Variants in NRXN1 observed in about 807,000 individuals in gnomAD.
The protein encoded by NRXN1 is neurexin 1.
Under a neutral mutation model 150.9 loss-of-function variants are expected in NRXN1, and 39 were observed. The observed-to-expected ratio is 0.26, with a 90% CI of 0.20 to 0.34. The LOEUF is 0.34. Among genes scored for constraint, NRXN1 ranks in the 10% least tolerant of loss-of-function variants. The pLI, the probability that NRXN1 is intolerant of heterozygous loss-of-function variation, is 1.00. For synonymous variants in NRXN1, 924 were observed against 757.0 expected, an observed-to-expected ratio of 1.22 and a Z score of -3.62; for missense variants, 1,815 against 1,949.9, an observed-to-expected ratio of 0.93 and a Z score of 1.30.
intron 5 of NRXN1, among the ~76,000 whole-genome samples, chr2:50,833,011 A>G (rs1671630395): frequency 6.6e-6 from 1 of 152,198 alleles, no homozygotes; most frequent in African/African-American, 2.4e-5. Flanking sequence ...GGACAAAATA[A>G]TTAAACAGAC....
At chr2:50,097,598 C>A (rs753515351) in intron 18 of NRXN1, among the ~76,000 whole-genome samples, 1 of 151,918 alleles carries the variant, frequency 6.6e-6, no homozygotes, top group African/African-American at 2.4e-5. Flanking sequence ...GTTATCTCAC[C>A]TAAAAACAAA....
At chr2:50,158,686 G>T (rs1011528681) in intron 18 of NRXN1, among the ~76,000 whole-genome samples, 1 of 152,062 alleles carries the variant, frequency 6.6e-6, no homozygotes, top group Non-Finnish European at 1.5e-5. Flanking sequence ...GCTGTATCTT[G>T]TTGCATGATA....
chr2:50,495,849 T>A, intron 15 of NRXN1, 56 bp downstream of exon 15: 1 of 1,456,174 alleles, frequency 6.9e-7, no homozygotes, highest in Non-Finnish European at 9.2e-7. Context: ...GGATTTTCCA[T>A]GTGAAGGGAG....
intron 9 of NRXN1, among the ~76,000 whole-genome samples, chr2:50,542,230 G>A (rs1391497066): frequency 3.3e-5 from 5 of 152,062 alleles, no homozygotes; most frequent in African/African-American, 7.2e-5. Context: ...GCGGTGAGCC[G>A]AGATCACGCC....
chr2:50,004,047 T>G (rs1684364088), intron 21 of NRXN1, among the ~76,000 whole-genome samples: 1 of 152,058 alleles, frequency 6.6e-6, no homozygotes, highest in Admixed American at 6.6e-5. Context: ...AGGCATGGTG[T>G]AGTTGGTGAA....
chr2:50,441,868 T>C (rs894851300), intron 17 of NRXN1, among the ~76,000 whole-genome samples: 1 of 152,220 alleles, frequency 6.6e-6, no homozygotes, highest in Non-Finnish European at 1.5e-5. Flanking sequence ...ATAAGGCAGA[T>C]ACACCTACTA....
At chr2:50,227,594 T>C (rs2152866173) in intron 18 of NRXN1, among the ~76,000 whole-genome samples, 1 of 152,156 alleles carries the variant, frequency 6.6e-6, no homozygotes, top group African/African-American at 2.4e-5. Flanking sequence ...TGAGACCCAC[T>C]GTAACTGAAC....
intron 5 of NRXN1, among the ~76,000 whole-genome samples, chr2:50,886,578 G>A (rs1344201048): frequency 1.3e-5 from 2 of 151,358 alleles, no homozygotes; most frequent in Non-Finnish European, 3.0e-5. Flanking sequence ...GACTTTGAAG[G>A]CCAAAGGGAA....
At chr2:50,595,043 C>T (rs529614491) in intron 8 of NRXN1, among the ~76,000 whole-genome samples, 2 of 150,632 alleles carry the variant, frequency 1.3e-5, no homozygotes, top group South Asian at 2.1e-4. Flanking sequence ...AACACCAGAG[C>T]GGAGATCTTA....
chr2:50,748,127 G>A (rs1700207617), intron 5 of NRXN1, among the ~76,000 whole-genome samples: 1 of 152,202 alleles, frequency 6.6e-6, no homozygotes, highest in African/African-American at 2.4e-5. Flanking sequence ...AGGCTTGGCA[G>A]AGTTTAGTGC....
intron 5 of NRXN1, among the ~76,000 whole-genome samples, chr2:50,738,783 C>A (rs1316942671): frequency 6.6e-6 from 1 of 152,094 alleles, no homozygotes; most frequent in African/African-American, 2.4e-5. Context: ...TATCCTGTAC[C>A]TGGGAAGACA....
intron 5 of NRXN1, among the ~76,000 whole-genome samples, chr2:50,640,042 C>T (rs1683841640): frequency 6.6e-6 from 1 of 152,052 alleles, no homozygotes; most frequent in Admixed American, 6.6e-5. Context: ...TAACAATTAC[C>T]AGGCATCTCA....
intron 5 of NRXN1, among the ~76,000 whole-genome samples, chr2:50,625,989 T>A (rs1680959048): frequency 6.6e-6 from 1 of 152,082 alleles, no homozygotes; most frequent in South Asian, 2.1e-4. Flanking sequence ...ATTCCCACTG[T>A]CAACATTTAT....
At chr2:50,506,267 T>C (rs1375761281) in intron 13 of NRXN1, among the ~76,000 whole-genome samples, 2 of 152,166 alleles carry the variant, frequency 1.3e-5, no homozygotes, top group Non-Finnish European at 2.9e-5. Context: ...TAATTTCTTC[T>C]TGCACTATTA....
intron 12 of NRXN1, 140 bp from the exon 13 acceptor site, chr2:50,506,757 G>A: frequency 3.5e-6 from 3 of 853,196 alleles, no homozygotes; most frequent in South Asian, 4.2e-5. Context: ...AAGAGAGAGA[G>A]GAGGGAGAGA....
intron 21 of NRXN1, among the ~76,000 whole-genome samples, chr2:50,025,389 G>A (rs185835819): frequency 4.6e-5 from 7 of 152,238 alleles, no homozygotes; most frequent in East Asian, 1.9e-4. Context: ...CTTATACGGC[G>A]ACAAGGAGTT....
At chr2:50,580,495 T>C (rs931531029) in intron 8 of NRXN1, among the ~76,000 whole-genome samples, 1 of 152,232 alleles carries the variant, frequency 6.6e-6, no homozygotes, top group Admixed American at 6.5e-5. Context: ...GAGAAGTATA[T>C]CACTATTATT....
chr2:51,030,895 T>A (rs1404974390), intron 1 of NRXN1, among the ~76,000 whole-genome samples: 1 of 151,840 alleles, frequency 6.6e-6, no homozygotes, highest in Admixed American at 6.6e-5. Flanking sequence ...TTTTTTCTTG[T>A]GTGTGTAACT....
chr2:50,485,484 C>T (rs1011727470), intron 15 of NRXN1, among the ~76,000 whole-genome samples: 3 of 152,166 alleles, frequency 2.0e-5, no homozygotes, highest in African/African-American at 7.2e-5. Context: ...TTTGCGTTCC[C>T]GACCACTGGA....
Sources: gnomAD v4.1 joint callset for allele counts (sites outside exome capture counted in the v4.1 genomes callset) on GRCh38, gnomAD v4.1.1 for gene constraint, MANE v1.5 for transcripts, NCBI Gene and HGNC (gene_info 2026-07-23, HGNC 2026-07-21) for gene names.